The following USP34 variants were observed in gnomAD, a reference collection of about 807,000 sequenced individuals.
USP34 encodes ubiquitin carboxyl-terminal hydrolase 34.
USP34 carries 70 observed loss-of-function variants against 460.3 expected under a neutral mutation model. The observed-to-expected ratio is 0.15, with a 90% CI of 0.13 to 0.19. The LOEUF (loss-of-function observed/expected upper bound fraction) is 0.19. Ranked by LOEUF, USP34 falls within the 10% of genes least tolerant of loss-of-function variation. USP34 has a pLI of 1.00. For synonymous variants in USP34, 1,647 were observed against 1,405.3 expected, an observed-to-expected ratio of 1.17 and a Z score of -3.85; for missense variants, 3,985 against 4,236.2, an observed-to-expected ratio of 0.94 and a Z score of 1.65.
At chr2:61,420,682 T>G (rs186130982) in intron 2 of USP34, 64 bp downstream of exon 2, 2 of 1,277,684 alleles carry the variant, frequency 1.6e-6, no homozygotes, top group Middle Eastern at 1.9e-4. Context: ...AATGTGACAA[T>G]AAAAATCGCA....
At chr2:61,289,645 T>C (rs1689788880) in intron 33 of USP34, among the ~76,000 whole-genome samples, 2 of 151,912 alleles carry the variant, frequency 1.3e-5, no homozygotes, top group African/African-American at 4.8e-5. Context: ...CAATAATACC[T>C]ATACTATATT....
chr2:61,307,856 C>G lies in USP34; in HGVS notation c.3817+3684G>C, dbSNP rs529436934. Among the ~76,000 whole-genome samples the G allele has an allele frequency of 2.3e-3, 348 of 152,146 alleles. 2 individuals carry two copies. The highest frequency in any genetic ancestry group is 6.8e-3 in the African/African-American group (283 of 41,490). ...TGAGACCAGGAGTTAAATAACCAGC[C>G]TGGGCAACATGGCAAAACCCTGTCT... On this transcript the variant is annotated intron_variant, in intron 27 of 79. Transcript: ENST00000398571.
chr2:61,317,336 G>C (rs1387816706), intron 23 of USP34, among the ~76,000 whole-genome samples: 1 of 152,112 alleles, frequency 6.6e-6, no homozygotes, highest in Non-Finnish European at 1.5e-5. Context: ...AGACCAGCCT[G>C]AGTAACATGG....
intron 67 of USP34, among the ~76,000 whole-genome samples, chr2:61,215,208 A>G (rs1226820118): frequency 1.3e-5 from 2 of 152,216 alleles, no homozygotes; most frequent in Non-Finnish European, 2.9e-5. Context: ...AGTTCAATAT[A>G]TAAGATTACA....
chr2:61,439,178 G>C (rs1694897877), intron 1 of USP34, among the ~76,000 whole-genome samples: 1 of 152,214 alleles, frequency 6.6e-6, no homozygotes, highest in Non-Finnish European at 1.5e-5. Context: ...TTGGGAGGCT[G>C]AGTTGGGACG....
At chr2:61,331,575 G>C (rs557809553) in intron 19 of USP34, among the ~76,000 whole-genome samples, 5 of 151,930 alleles carry the variant, frequency 3.3e-5, no homozygotes, top group Non-Finnish European at 7.4e-5. Flanking sequence ...AAGTACCTTT[G>C]TAAGTTTTTA....
At chr2:61,393,875 C>T (rs771109308) in intron 5 of USP34, among the ~76,000 whole-genome samples, 2 of 152,088 alleles carry the variant, frequency 1.3e-5, no homozygotes, top group Non-Finnish European at 2.9e-5. Flanking sequence ...CAGTCGCTCA[C>T]GCCTGTAATC....
chr2:61,341,450 G>A (rs1461488812), intron 16 of USP34, among the ~76,000 whole-genome samples: 2 of 152,150 alleles, frequency 1.3e-5, no homozygotes, highest in African/African-American at 2.4e-5. Context: ...GAGTCTAGTA[G>A]AAGGCGTTTG....
chr2:61,422,059 A>T (rs1167178795), intron 1 of USP34, among the ~76,000 whole-genome samples: 3 of 152,200 alleles, frequency 2.0e-5, no homozygotes, highest in Non-Finnish European at 4.4e-5. Flanking sequence ...GGCTTTTGGG[A>T]CCTAGATCAC....
intron 2 of USP34, among the ~76,000 whole-genome samples, chr2:61,418,855 T>C (rs1410790700): frequency 6.6e-6 from 1 of 151,886 alleles, no homozygotes; most frequent in Non-Finnish European, 1.5e-5. Flanking sequence ...CAACTGTTCA[T>C]ACTTACTGAC....
intron 1 of USP34, among the ~76,000 whole-genome samples, chr2:61,462,441 T>C (rs1367639918): frequency 6.8e-6 from 1 of 147,792 alleles, no homozygotes; most frequent in Non-Finnish European, 1.5e-5. Flanking sequence ...CCCAGCTACT[T>C]GGGAAGCTGA....
intron 1 of USP34, among the ~76,000 whole-genome samples, chr2:61,461,764 A>G (rs952529896): frequency 6.6e-6 from 1 of 152,240 alleles, no homozygotes; most frequent in African/African-American, 2.4e-5. Context: ...AGCAAACAGT[A>G]TGAAAATAAT....
chr2:61,313,207 C>A (rs1690647823), intron 25 of USP34, among the ~76,000 whole-genome samples: 1 of 150,916 alleles, frequency 6.6e-6, no homozygotes, highest in Non-Finnish European at 1.5e-5. Context: ...AAAACATGAA[C>A]AAATAAAAAG....
At chr2:61,448,780 A>T (rs1455287349) in intron 1 of USP34, among the ~76,000 whole-genome samples, 1 of 152,226 alleles carries the variant, frequency 6.6e-6, no homozygotes, top group African/African-American at 2.4e-5. Context: ...TCAGATGTAA[A>T]ATCTAGAAAA....
rs1038095448 is a variant in USP34 at position 61,346,690 on chromosome 2, T to TA, written c.2285+1179_2285+1180insT. On this transcript the variant is annotated intron_variant, in intron 15 of 79. Transcript: ENST00000398571. Reference sequence around the variant, plus strand: ...AATACAAAAATTAGCCAGGCATGGGTGGGGGGTGGGGGGCACCTGTAGTCC... The same window carrying TA: ...AATACAAAAATTAGCCAGGCATGGGTAGGGGGGTGGGGGGCACCTGTAGTCC... Among the ~76,000 whole-genome samples the TA allele has an allele frequency of 4.6e-5, 4 of 87,792 alleles. 1 individual carries two copies. Among genetic ancestry groups the TA allele is most frequent in the Non-Finnish European group, 8.9e-5 (4 of 45,196 alleles). 57.6% of individuals were successfully genotyped at this position (87,792 alleles called of 152,430 possible).
At chr2:61,350,824 C>T (rs1691922717) in intron 10 of USP34, 131 bp from the exon 11 acceptor site, 14 of 837,934 alleles carry the variant, frequency 1.7e-5, no homozygotes, top group Admixed American at 3.1e-5. Context: ...CGGTAAAATG[C>T]TAATTATCTA....
At chr2:61,387,751 G>A (rs1451122010) in intron 5 of USP34, among the ~76,000 whole-genome samples, 3 of 136,244 alleles carry the variant, frequency 2.2e-5, no homozygotes, top group Admixed American at 7.5e-5. Flanking sequence ...ATATTTTTAC[G>A]TATACACACA....
chr2:61,301,212 A>C, intron 28 of USP34, 52 bp from the exon 29 acceptor site: 2 of 1,551,432 alleles, frequency 1.3e-6, no homozygotes, highest in South Asian at 1.2e-5. Flanking sequence ...TAGTTTAATA[A>C]AACGGTAAAT....
intron 2 of USP34, among the ~76,000 whole-genome samples, chr2:61,412,833 G>A (rs922079600): frequency 4.2e-5 from 6 of 144,040 alleles, no homozygotes. Context: ...AGGCCGCAGT[G>A]AGCCATCATA....
Sources: gnomAD v4.1 joint callset for allele counts (sites outside exome capture counted in the v4.1 genomes callset) on GRCh38, gnomAD v4.1.1 for gene constraint, MANE v1.5 for transcripts, NCBI Gene and HGNC (gene_info 2026-07-23, HGNC 2026-07-21) for gene names.